The following NAA16 variants were observed in gnomAD, a reference collection of about 807,000 sequenced individuals.
The protein encoded by NAA16 is NARG1-like protein.
Under a neutral mutation model 110.3 loss-of-function variants are expected in NAA16, and 97 were observed. The observed-to-expected ratio is 0.88, with a 90% CI of 0.75 to 1.04. NAA16 has a LOEUF of 1.04. Ranked by LOEUF, NAA16 falls within the 50% of genes least tolerant of loss-of-function variation. The pLI is 0.00. For synonymous variants in NAA16, 372 were observed against 330.6 expected, an observed-to-expected ratio of 1.13 and a Z score of -1.36; for missense variants, 1,017 against 1,005.1, an observed-to-expected ratio of 1.01 and a Z score of -0.16.
chr13:41,311,638 A>T, intron 1 of NAA16, 56 bp downstream of exon 1: 1 of 1,539,378 alleles, frequency 6.5e-7, no homozygotes. Context: ...TCGGGCCTTA[A>T]GGGCAAGCGG....
At chr13:41,352,738 T>G (rs2042871161) in intron 9 of NAA16, among the ~76,000 whole-genome samples, 1 of 152,228 alleles carries the variant, frequency 6.6e-6, no homozygotes, top group Admixed American at 6.5e-5. Context: ...CTTTGTTGTT[T>G]TTTTAAATGT....
chr13:41,373,438 A>G (rs981753866), intron 17 of NAA16, 199 bp from the exon 18 acceptor site: 11 of 330,904 alleles, frequency 3.3e-5, no homozygotes, highest in Non-Finnish European at 4.3e-5. Flanking sequence ...TTGTATTTTT[A>G]GTAGAGACGG....
intron 17 of NAA16, chr13:41,373,291 T>C (rs2043359020): frequency 1.0e-5 from 7 of 666,970 alleles, no homozygotes; most frequent in Non-Finnish European, 1.3e-5. Flanking sequence ...ACAGTCTTGC[T>C]CTGTTGTCTA....
intron 6 of NAA16, among the ~76,000 whole-genome samples, chr13:41,327,104 A>T (rs1040726395): frequency 1.3e-5 from 2 of 152,028 alleles, no homozygotes; most frequent in Admixed American, 1.3e-4. Context: ...TTAGTAGTGT[A>T]TGTTTTTTTT....
chr13:41,332,816 C>T (rs1231665743), intron 8 of NAA16, among the ~76,000 whole-genome samples: 2 of 151,766 alleles, frequency 1.3e-5, no homozygotes, highest in Non-Finnish European at 2.9e-5. Flanking sequence ...TTGTGAAATA[C>T]CTTTTAGAAA....
intron 11 of NAA16, 136 bp downstream of exon 11, chr13:41,358,609 T>C: frequency 1.4e-6 from 2 of 1,457,780 alleles, no homozygotes; most frequent in South Asian, 1.5e-5. Context: ...AGTTTCATGT[T>C]ATATTAATTG....
At chr13:41,340,091 T>C (rs2042495265) in intron 9 of NAA16, among the ~76,000 whole-genome samples, 1 of 152,138 alleles carries the variant, frequency 6.6e-6, no homozygotes, top group African/African-American at 2.4e-5. Flanking sequence ...CCTTTTAAGT[T>C]AGATTTTGTT....
chr13:41,350,065 C>T lies in NAA16; in HGVS notation c.1015-5079C>T, dbSNP rs534047299. ...TTGGGAGTCCAAGGCAGGAGGATTGCTTGAGCTCAGCCTGGGCAATGTAGT... is the reference window on the plus strand; with the variant it reads ...TTGGGAGTCCAAGGCAGGAGGATTGTTTGAGCTCAGCCTGGGCAATGTAGT... On this transcript the variant is annotated intron_variant, in intron 9 of 19. Coordinates refer to ENST00000379406, the MANE Select transcript of NAA16 (RefSeq NM_024561.5). Among the ~76,000 whole-genome samples, 11 of 151,492 alleles carry T rather than the reference C, an allele frequency of 7.3e-5. No homozygotes were observed. The South Asian group carries it at 2.1e-3, about 29-fold the overall frequency.
chr13:41,364,170 T>G (rs936011660), intron 13 of NAA16, among the ~76,000 whole-genome samples: 1 of 152,108 alleles, frequency 6.6e-6, no homozygotes, highest in Non-Finnish European at 1.5e-5. Flanking sequence ...CACGGACACC[T>G]CTCAGAAATA....
chr13:41,311,558 G>A lies in NAA16; in HGVS notation c.30G>A (p.Glu10=). The A allele has an allele frequency of 1.9e-6, 3 of 1,608,792 alleles. No homozygotes were observed. Among genetic ancestry groups the A allele is most frequent in the South Asian group, 1.1e-5 (1 of 90,066 alleles). MPNVLLPPK[E]SNLFKRILKC... ...CGAACGTGCTGCTGCCGCCCAAGGA[G>A]AGCAACCTCTTCAAACGCATCTTGG... The change falls in exon 1 of 20, where the codon GAG becomes GAA. Residue 10 remains glutamate (E), a synonymous_variant. Coordinates refer to ENST00000379406, the MANE Select transcript of NAA16 (RefSeq NM_024561.5).
At chr13:41,330,305 T>C (rs1469558492) in intron 7 of NAA16, among the ~76,000 whole-genome samples, 2 of 151,956 alleles carry the variant, frequency 1.3e-5, no homozygotes, top group East Asian at 1.9e-4. Context: ...AGATCACACC[T>C]CTTCAAATGT....
chr13:41,318,288 C>G (rs185875362), intron 2 of NAA16, among the ~76,000 whole-genome samples: 5 of 151,932 alleles, frequency 3.3e-5, no homozygotes, highest in African/African-American at 1.2e-4. Flanking sequence ...TCACTGCAAC[C>G]TCTGCCTCCT....
intron 5 of NAA16, among the ~76,000 whole-genome samples, chr13:41,324,353 TTC>T (rs2042028216): frequency 7.4e-6 from 1 of 135,710 alleles, no homozygotes; most frequent in African/African-American, 2.7e-5. Context: ...TGTTTGCAAT[TTC>T]TTTCTTTCTT....
intron 1 of NAA16, among the ~76,000 whole-genome samples, chr13:41,315,026 G>A (rs2041771646): frequency 6.6e-6 from 1 of 152,098 alleles, no homozygotes; most frequent in African/African-American, 2.4e-5. Flanking sequence ...TGAGATCATT[G>A]TTCTAAGGAT....
Position 41,367,652 on chromosome 13 carries a change from G to C in NAA16, c.1753G>C (p.Glu585Gln). ...NESKQQEINS[E>Q]NLSAKELKKM... ...AAGCAAACAACAAGAAATAAACTCA[G>C]GTAACTGAATAGGAACTTAAAAGAT... The change falls in exon 14 of 20, where the codon GAA (glutamate) becomes CAA (glutamine). Residue 585 changes from glutamate (E) to glutamine (Q), a missense_variant and splice_region_variant. Transcript: ENST00000379406. 1 of 1,593,154 alleles carries C rather than the reference G, an allele frequency of 6.3e-7. No homozygotes were observed.
chr13:41,364,569 TTTTC>T lies in NAA16; in HGVS notation c.1539+2419_1539+2422del, dbSNP rs1396135402. 3.3e-5 allele frequency among the ~76,000 whole-genome samples: 5 copies of T among 152,040 alleles called. No homozygotes were observed. The South Asian group carries it at 6.2e-4, about 19-fold the overall frequency. Reference sequence around the variant, plus strand: ...TCTATTTTATCTTTCAAGAATTGAGTTTTCTTTCTTTCCATTTTTTTCTTTTACT... The same window carrying T: ...TCTATTTTATCTTTCAAGAATTGAGTTTTCTTTCCATTTTTTTCTTTTACT... On this transcript the variant is annotated intron_variant, in intron 13 of 19. Coordinates refer to ENST00000379406, the MANE Select transcript of NAA16 (RefSeq NM_024561.5).
chr13:41,335,436 T>G (rs2042354605), intron 8 of NAA16, among the ~76,000 whole-genome samples: 1 of 152,182 alleles, frequency 6.6e-6, no homozygotes, highest in Admixed American at 6.5e-5. Flanking sequence ...AGAAACAGCG[T>G]CTCTTATTGT....
Position 41,320,811 on chromosome 13 carries a change from T to G in NAA16, c.389T>G (p.Leu130Arg). The change falls in exon 4 of 20, where the codon CTT becomes CGT. Residue 130 changes from leucine (L) to arginine (R), a missense_variant. By Grantham distance (102) the Leu-to-Arg change is moderately radical. Coordinates refer to ENST00000379406, the MANE Select transcript of NAA16 (RefSeq NM_024561.5). ...CTGTTGCAGATCCAAATGAGAGACC[T>G]TGAAGGTTACCGAGTAAGTACTTCA... ...LSLLQIQMRD[L>R]EGYRETRYQL... is the part of the protein sequence containing the mutation. The G allele has an allele frequency of 6.2e-7, 1 of 1,604,256 alleles. No homozygotes were observed. The highest frequency in any genetic ancestry group is 8.5e-7 in the Non-Finnish European group (1 of 1,177,342).
intron 12 of NAA16, among the ~76,000 whole-genome samples, chr13:41,359,600 A>G (rs1249620723): frequency 6.6e-6 from 1 of 152,220 alleles, no homozygotes; most frequent in Non-Finnish European, 1.5e-5. Flanking sequence ...ATCAGAGATG[A>G]AAATATATTG....
Sources: gnomAD v4.1 joint callset for allele counts (sites outside exome capture counted in the v4.1 genomes callset) on GRCh38, gnomAD v4.1.1 for gene constraint, MANE v1.5 for transcripts, NCBI Gene and HGNC (gene_info 2026-07-23, HGNC 2026-07-21) for gene names.